DLG2: variants seen among roughly 807,000 people sequenced by gnomAD.
DLG2 encodes the protein discs large MAGUK scaffold protein 2.
Under a neutral mutation model 132.5 loss-of-function variants are expected in DLG2, and 45 were observed. The observed-to-expected ratio is 0.34, with a 90% CI of 0.27 to 0.44. The LOEUF is 0.44. Among genes scored for constraint, DLG2 ranks in the 20% least tolerant of loss-of-function variants. The pLI, the probability that DLG2 is intolerant of heterozygous loss-of-function variation, is 1.00. For missense variants in DLG2, 1,045 were observed against 1,196.9 expected (o/e 0.87, Z 1.87); for synonymous variants, 424 against 419.6 (o/e 1.01, Z -0.13).
chr11:85,246,510 C>T (rs1036364602), intron 4 of DLG2, among the ~76,000 whole-genome samples: 26 of 151,644 alleles, frequency 1.7e-4, no homozygotes, highest in Non-Finnish European at 3.5e-4. Flanking sequence ...TTATTACTGT[C>T]TCTCACATGC....
At chr11:84,093,022 T>G in intron 10 of DLG2, among the ~76,000 whole-genome samples, 3 of 137,440 alleles carry the variant, frequency 2.2e-5, no homozygotes, top group South Asian at 2.3e-4. Flanking sequence ...GGCGACAGAG[T>G]GAGTCTCCGT....
intron 14 of DLG2, among the ~76,000 whole-genome samples, chr11:83,953,722 C>G (rs2154149591): frequency 6.6e-6 from 1 of 152,304 alleles, no homozygotes; most frequent in South Asian, 2.1e-4. Flanking sequence ...AAATAAACTC[C>G]TAGAAGAACA....
chr11:84,092,458 G>T (rs1379571517), intron 10 of DLG2, among the ~76,000 whole-genome samples: 1 of 152,148 alleles, frequency 6.6e-6, no homozygotes, highest in East Asian at 1.9e-4. Context: ...GCTTAAAAAG[G>T]GGCCCAAAGT....
chr11:85,392,138 C>A (rs1293183593), intron 3 of DLG2, among the ~76,000 whole-genome samples: 2 of 152,116 alleles, frequency 1.3e-5, no homozygotes, highest in South Asian at 2.1e-4. Flanking sequence ...TGCTATACAC[C>A]AACAGCGACC....
intron 3 of DLG2, among the ~76,000 whole-genome samples, chr11:85,356,776 GTAGATAGA>G (rs58735940): frequency 0.39 from 57,744 of 147,104 alleles, 11,367 homozygotes; most frequent in East Asian, 0.55. Flanking sequence ...CAGTAGGTAA[GTAGATAGA>G]TAGATAGATA....
chr11:84,761,233 T>C (rs1376663501), intron 6 of DLG2, among the ~76,000 whole-genome samples: 4 of 152,208 alleles, frequency 2.6e-5, no homozygotes, highest in African/African-American at 9.6e-5. Context: ...ATTGAAGCAA[T>C]GCATTTTTAC....
intron 4 of DLG2, among the ~76,000 whole-genome samples, chr11:85,163,410 G>A (rs777540207): frequency 9.2e-5 from 14 of 152,006 alleles, no homozygotes; most frequent in Admixed American, 3.3e-4. Flanking sequence ...ATAAAAATAC[G>A]TAATTTATAT....
intron 3 of DLG2, among the ~76,000 whole-genome samples, chr11:85,563,410 T>C (rs2077360648): frequency 1.3e-5 from 2 of 150,864 alleles, no homozygotes; most frequent in Admixed American, 6.6e-5. Flanking sequence ...CATTAGTAAA[T>C]GAGTGGATTA....
chr11:85,038,627 T>A (rs2061601779), intron 6 of DLG2, among the ~76,000 whole-genome samples: 1 of 152,084 alleles, frequency 6.6e-6, no homozygotes, highest in African/African-American at 2.4e-5. Flanking sequence ...AGGACAGTGT[T>A]ACTTTCAAGT....
chr11:84,714,647 T>TC (rs2060981509), intron 6 of DLG2, among the ~76,000 whole-genome samples: 9 of 90,652 alleles, frequency 9.9e-5, no homozygotes, highest in African/African-American at 2.4e-4. Flanking sequence ...CTCTCTCTCT[T>TC]TCTCTCTCTC....
chr11:84,234,811 C>A (rs1000743881), intron 8 of DLG2, among the ~76,000 whole-genome samples: 2 of 152,110 alleles, frequency 1.3e-5, no homozygotes, highest in African/African-American at 4.8e-5. Context: ...GCATCTTACC[C>A]CAAAATATAT....
chr11:84,321,266 A>C (rs983531676), intron 7 of DLG2, among the ~76,000 whole-genome samples: 1 of 152,180 alleles, frequency 6.6e-6, no homozygotes, highest in Non-Finnish European at 1.5e-5. Flanking sequence ...ATTTCTGTGT[A>C]GAACTGGTGA....
At chr11:84,760,479 T>C (rs1371656933) in intron 6 of DLG2, among the ~76,000 whole-genome samples, 2 of 152,192 alleles carry the variant, frequency 1.3e-5, no homozygotes, top group Non-Finnish European at 2.9e-5. Flanking sequence ...AAAGACAACC[T>C]AGCAAACAAG....
chr11:84,264,517 G>C (rs1292883285), intron 7 of DLG2, among the ~76,000 whole-genome samples: 1 of 152,050 alleles, frequency 6.6e-6, no homozygotes, highest in Non-Finnish European at 1.5e-5. Context: ...GAAATAACAA[G>C]AAAAAAGAAT....
intron 4 of DLG2, among the ~76,000 whole-genome samples, chr11:85,256,913 T>C (rs2076699329): frequency 6.6e-6 from 1 of 152,174 alleles, no homozygotes. Context: ...TAATATAGAA[T>C]GTTGTATAAT....
chr11:85,423,966 T>C (rs2090518048), intron 3 of DLG2, among the ~76,000 whole-genome samples: 1 of 152,168 alleles, frequency 6.6e-6, no homozygotes, highest in Non-Finnish European at 1.5e-5. Context: ...TCAGTTCAAA[T>C]TGTTACAAAG....
chr11:85,549,391 C>T (rs922679135), intron 3 of DLG2, among the ~76,000 whole-genome samples: 1 of 152,192 alleles, frequency 6.6e-6, no homozygotes, highest in African/African-American at 2.4e-5. Flanking sequence ...GCATCAATCT[C>T]ACCAGGAGCT....
intron 3 of DLG2, among the ~76,000 whole-genome samples, chr11:85,465,448 C>G (rs2092756845): frequency 6.6e-6 from 1 of 152,176 alleles, no homozygotes; most frequent in Non-Finnish European, 1.5e-5. Flanking sequence ...AATGCTATCC[C>G]TCCCCGCTCC....
At chr11:84,060,927 C>A (rs2096581782) in intron 10 of DLG2, among the ~76,000 whole-genome samples, 1 of 152,154 alleles carries the variant, frequency 6.6e-6, no homozygotes, top group Non-Finnish European at 1.5e-5. Context: ...CTCAGGTGAA[C>A]CACCTCCACA....
Sources: gnomAD v4.1 joint callset for allele counts (sites outside exome capture counted in the v4.1 genomes callset) on GRCh38, gnomAD v4.1.1 for gene constraint, MANE v1.5 for transcripts, NCBI Gene and HGNC (gene_info 2026-07-23, HGNC 2026-07-21) for gene names.